The following MAP3K5 variants were observed in gnomAD, a reference collection of about 807,000 sequenced individuals.
The protein encoded by MAP3K5 is ASK-1.
A neutral mutation model predicts 158.7 loss-of-function variants in MAP3K5; 56 were observed. The ratio of observed to expected loss-of-function variants is 0.35; its 90% CI spans 0.28 to 0.44. MAP3K5 has a LOEUF of 0.44. MAP3K5 is among the 20% of genes least tolerant of loss of function. MAP3K5 has a pLI of 1.00. For synonymous variants in MAP3K5, 579 were observed against 601.7 expected (o/e 0.96, Z 0.55); for missense variants, 1,294 against 1,674.8 (o/e 0.77, Z 3.97).
intron 1 of MAP3K5, among the ~76,000 whole-genome samples, chr6:136,764,474 C>A (rs1783880458): frequency 6.6e-6 from 1 of 152,202 alleles, no homozygotes; most frequent in Admixed American, 6.5e-5. Context: ...ACAGCCCACA[C>A]CACCTTCCAG....
intron 7 of MAP3K5, among the ~76,000 whole-genome samples, chr6:136,674,326 C>A (rs1779610461): frequency 6.6e-6 from 1 of 151,912 alleles, no homozygotes; most frequent in Non-Finnish European, 1.5e-5. Context: ...TATTTAAAAT[C>A]TATTGATTAT....
intron 7 of MAP3K5, among the ~76,000 whole-genome samples, chr6:136,684,804 C>G (rs1027039073): frequency 3.3e-5 from 5 of 152,092 alleles, no homozygotes; most frequent in Non-Finnish European, 1.5e-5. Context: ...AATGCCACAG[C>G]CTTTTAAATA....
intron 3 of MAP3K5, among the ~76,000 whole-genome samples, chr6:136,702,610 T>G (rs1357645985): frequency 6.6e-6 from 1 of 152,366 alleles, no homozygotes; most frequent in Admixed American, 6.5e-5. Context: ...TCCTTAAATT[T>G]CAAAACACTG....
At chr6:136,778,558 T>C (rs1169890958) in intron 1 of MAP3K5, among the ~76,000 whole-genome samples, 7 of 152,344 alleles carry the variant, frequency 4.6e-5, no homozygotes, top group South Asian at 2.1e-4. Context: ...TAATTTTATA[T>C]AGACCTTAGA....
chr6:136,790,787 C>T (rs1785042512), intron 1 of MAP3K5, among the ~76,000 whole-genome samples: 1 of 152,228 alleles, frequency 6.6e-6, no homozygotes, highest in African/African-American at 2.4e-5. Context: ...ATATTCTCAA[C>T]ACTGGACGTA....
In MAP3K5 at chr6:136,637,308, G is replaced by A. The variant is rs1481619138; in HGVS notation, c.2016+17C>T. On this transcript the variant is annotated intron_variant, in intron 14 of 29. Transcript: ENST00000359015. ...TTAAAATGAGCTCTAAATGTAAATGGACACCTAAGTCATTACCTCCAGCAA... is the reference window on the plus strand; with the variant it reads ...TTAAAATGAGCTCTAAATGTAAATGAACACCTAAGTCATTACCTCCAGCAA... 3 of 1,577,160 alleles carry A rather than the reference G, an allele frequency of 1.9e-6. No individual in the cohort carries two copies. The highest frequency in any genetic ancestry group is 8.7e-7 in the Non-Finnish European group (1 of 1,146,402).
chr6:136,671,671 T>A (rs1779488971), intron 7 of MAP3K5, among the ~76,000 whole-genome samples: 1 of 152,228 alleles, frequency 6.6e-6, no homozygotes, highest in African/African-American at 2.4e-5. Context: ...TGGAGCGCAG[T>A]GACACGATCT....
intron 7 of MAP3K5, among the ~76,000 whole-genome samples, chr6:136,680,366 T>C (rs1473489180): frequency 6.6e-6 from 1 of 152,224 alleles, no homozygotes; most frequent in Admixed American, 6.5e-5. Flanking sequence ...CCACCAAATT[T>C]TGAATAAATG....
intron 17 of MAP3K5, among the ~76,000 whole-genome samples, chr6:136,611,958 G>A (rs1776362942): frequency 6.6e-6 from 1 of 152,118 alleles, no homozygotes; most frequent in South Asian, 2.1e-4. Flanking sequence ...CTTTTGAGAT[G>A]TCTTTACAGG....
chr6:136,791,704 A>G lies in MAP3K5; in HGVS notation c.448+6T>C, dbSNP rs1785084996. ...GCGCGGGATGGGAAAGGGGTCACAC[A>G]CGCACCTGCATTGTAAAAGCGGTCC... On this transcript the variant is annotated splice_donor_region_variant and intron_variant, in intron 1 of 29. Transcript: ENST00000359015. The G allele has an allele frequency of 3.7e-6, 6 of 1,612,976 alleles. No individual in the cohort carries two copies. Among genetic ancestry groups the G allele is most frequent in the Non-Finnish European group, 5.1e-6 (6 of 1,179,922 alleles).
chr6:136,789,635 A>C (rs1046206334), intron 1 of MAP3K5, among the ~76,000 whole-genome samples: 1 of 149,636 alleles, frequency 6.7e-6, no homozygotes, highest in Non-Finnish European at 1.5e-5. Context: ...AGAGTAACTC[A>C]GCCCACCTAA....
chr6:136,722,663 TTTTTTTTTTCC>T (rs1013252981), intron 1 of MAP3K5, among the ~76,000 whole-genome samples: 4 of 141,888 alleles, frequency 2.8e-5, no homozygotes, highest in African/African-American at 1.1e-4. Flanking sequence ...CTTTCTTTTC[TTTTTTTTTTCC>T]TTTTTTTTTT....
At chr6:136,651,847 A>C (rs1336090121) in intron 10 of MAP3K5, among the ~76,000 whole-genome samples, 1 of 152,182 alleles carries the variant, frequency 6.6e-6, no homozygotes, top group Non-Finnish European at 1.5e-5. Flanking sequence ...GGAGTGAATA[A>C]TACTAAAATA....
At chr6:136,600,474 G>A (rs978505238) in intron 21 of MAP3K5, among the ~76,000 whole-genome samples, 1 of 152,024 alleles carries the variant, frequency 6.6e-6, no homozygotes, top group Non-Finnish European at 1.5e-5. Context: ...GACTATAGGC[G>A]TGAACCACCA....
chr6:136,647,008 C>A (rs544701434), intron 11 of MAP3K5, among the ~76,000 whole-genome samples: 1 of 152,322 alleles, frequency 6.6e-6, no homozygotes, highest in South Asian at 2.1e-4. Context: ...AGTCACCTTA[C>A]ACTTACTCCC....
At chr6:136,562,663 C>G in intron 26 of MAP3K5, 48 bp from the exon 27 acceptor site, 2 of 979,326 alleles carry the variant, frequency 2.0e-6, no homozygotes, top group Middle Eastern at 5.2e-4. Context: ...ACAGGGTGAC[C>G]TTCTTTTTTT....
chr6:136,663,182 C>G (rs1283889799), intron 8 of MAP3K5, among the ~76,000 whole-genome samples: 2 of 152,050 alleles, frequency 1.3e-5, no homozygotes, highest in Non-Finnish European at 1.5e-5. Flanking sequence ...GAGAGGATTG[C>G]AACATGTCTA....
intron 1 of MAP3K5, among the ~76,000 whole-genome samples, chr6:136,789,024 GC>G (rs1331937526): frequency 4.4e-4 from 67 of 152,364 alleles, no homozygotes; most frequent in African/African-American, 1.6e-3. Flanking sequence ...GAGGCTGGGT[GC>G]GGTGGCTCAC....
At chr6:136,717,532 G>A (rs1781577348) in intron 2 of MAP3K5, among the ~76,000 whole-genome samples, 1 of 152,140 alleles carries the variant, frequency 6.6e-6, no homozygotes, top group African/African-American at 2.4e-5. Flanking sequence ...AACTGTCTTT[G>A]CCCTGTGAAA....
Sources: allele counts gnomAD v4.1 joint callset (sites outside exome capture counted in the v4.1 genomes callset), GRCh38; gene constraint gnomAD v4.1.1; transcripts MANE v1.5; gene names NCBI Gene and HGNC (gene_info 2026-07-23, HGNC 2026-07-21).